The following VEGFA variants were observed in gnomAD, a reference collection of about 807,000 sequenced individuals.
The protein encoded by VEGFA is vascular endothelial growth factor A, long form.
VEGFA carries 20 observed loss-of-function variants against 49.7 expected under a neutral mutation model. The ratio of observed to expected loss-of-function variants is 0.40; its 90% CI spans 0.28 to 0.58. The LOEUF is 0.58. Ranked by LOEUF, VEGFA falls within the 20% of genes least tolerant of loss-of-function variation. The pLI is 0.40. For missense variants in VEGFA, 505 were observed against 553.5 expected (o/e 0.91, Z 0.88); for synonymous variants, 219 against 223.4 (o/e 0.98, Z 0.18).
At chr6:43,774,302 C>T (rs754570319) in intron 1 of VEGFA, 39 bp from the exon 2 acceptor site, 1 of 1,612,318 alleles carries the variant, frequency 6.2e-7, no homozygotes, top group African/African-American at 1.3e-5. Flanking sequence ...CACCCCAGCC[C>T]CTGCCCATGC....
intron 1 of VEGFA, chr6:43,772,057 C>T: frequency 1.0e-6 from 1 of 985,518 alleles, no homozygotes; most frequent in Non-Finnish European, 1.2e-6. Flanking sequence ...TGGCGAGCGG[C>T]ACCCCTCCCC....
rs754042549 is a variant in VEGFA at position 43,771,186 on chromosome 6, C to T, written c.480C>T (p.Pro160=). Residue 160 remains proline, a synonymous_variant, in exon 1 of 8, where the codon CCC becomes CCT. Coordinates refer to ENST00000672860, the MANE Select transcript of VEGFA (RefSeq NM_003376.6). ...GAGGCGCCGAGGAGAGCGGGCCGCC[C>T]CACAGCCCGAGCCGGAGAGGGAGCG... is the stretch of plus-strand genomic sequence containing the variant. 6.3e-7 allele frequency: 1 copy of T among 1,593,584 alleles called. No homozygotes were observed. Among genetic ancestry groups the T allele is most frequent in the African/African-American group, 1.4e-5 (1 of 72,760 alleles).
rs552274045 is a variant in VEGFA at position 43,777,340 on chromosome 6, C to T, written c.659-129C>T. 7.5e-5 allele frequency: 74 copies of T among 981,300 alleles called. No individual in the cohort carries two copies. In the East Asian group the frequency reaches 9.2e-4, roughly 12 times the overall value. 60.8% of individuals were successfully genotyped at this position (981,300 alleles called of 1,614,324 possible). A position where few individuals can be genotyped will look rare whatever the true frequency, so the allele number is the denominator to read the frequency against. Reference sequence around the variant, plus strand: ...CTTCAAACACAGTAGGAGGGACTTACGTTAGATTTTGGAAGGACTTGCCTG... The same window carrying T: ...CTTCAAACACAGTAGGAGGGACTTATGTTAGATTTTGGAAGGACTTGCCTG... On this transcript the variant is annotated intron_variant, in intron 2 of 7. Transcript: ENST00000672860. This position sits in a 1 kb window ranked among gnomAD's most constrained non-coding sequence, Gnocchi z 4.3.
At position 43,784,920 on chromosome 6, in the gene VEGFA, T is replaced by A. The variant is rs1289097615; in HGVS notation, c.*358T>A. The stretch of plus-strand genomic sequence containing the variant: ...GACACACCCACCCACATACATACAT[T>A]TATATATATATATATTATATATATA... On this transcript the variant is annotated 3_prime_UTR_variant, in exon 8 of 8. Coordinates refer to ENST00000672860, the MANE Select transcript of VEGFA (RefSeq NM_003376.6). 9 of 229,092 alleles carry A rather than the reference T, an allele frequency of 3.9e-5. No individual in the cohort carries two copies. The highest frequency in any genetic ancestry group is 2.8e-4 in the East Asian group (4 of 14,298). The allele number at this position is 229,092 out of a possible 1,614,324, so 14.2% of individuals were successfully genotyped here.
chr6:43,784,123 C>T, intron 7 of VEGFA: 1 of 292,148 alleles, frequency 3.4e-6, no homozygotes, highest in South Asian at 3.6e-5. Flanking sequence ...CCCCTAGAGA[C>T]TGAACTGAAA....
At position 43,770,421 on chromosome 6, in the gene VEGFA, TTAATTTATTTTTGC is replaced by T. The variant is rs1763227075; in HGVS notation, c.-284_-271del. On this transcript the variant is annotated 5_prime_UTR_variant, in exon 1 of 8. Coordinates refer to ENST00000672860, the MANE Select transcript of VEGFA (RefSeq NM_003376.6). ...TTTTAAAACTGTATTGTTTCTCGTT[TTAATTTATTTTTGC>T]TTGCCATTCCCCACTTGAATCGGGC... is the stretch of plus-strand genomic sequence containing the variant. 2.3e-6 allele frequency: 1 copy of T among 437,570 alleles called. No homozygotes were observed. Among genetic ancestry groups the T allele is most frequent in the East Asian group, 3.8e-5 (1 of 26,198 alleles). The allele number at this position is 437,570 out of a possible 1,614,324, so 27.1% of individuals were successfully genotyped here.
chr6:43,776,980 C>G lies in VEGFA; in HGVS notation c.659-489C>G, dbSNP rs182849014. 5 of 309,084 alleles carry G rather than the reference C, an allele frequency of 1.6e-5. No homozygotes were observed. In the East Asian group the frequency reaches 3.9e-4, roughly 24 times the overall value. 19.1% of individuals were successfully genotyped at this position (309,084 alleles called of 1,614,324 possible). A position where few individuals can be genotyped will look rare whatever the true frequency, so the allele number is the denominator to read the frequency against. ...AATGATAGCTGTGGACTACTGTACA[C>G]AGTACTCAGGATGTAGTAAGTGCTC... On this transcript the variant is annotated intron_variant, in intron 2 of 7. Coordinates refer to ENST00000672860, the MANE Select transcript of VEGFA (RefSeq NM_003376.6).
In VEGFA at chr6:43,773,939, C is replaced by G. The variant is rs1381289726; in HGVS notation, c.607-402C>G. On this transcript the variant is annotated intron_variant, in intron 1 of 7. Coordinates refer to ENST00000672860, the MANE Select transcript of VEGFA (RefSeq NM_003376.6). The surrounding 1 kb of genome is among the most constrained non-coding windows in gnomAD (Gnocchi z 5.6). The stretch of plus-strand genomic sequence containing the variant: ...TCGCCCCTAGTCCTTCCTTCCTGCC[C>G]CAGTCCAAATTTGTCCTCCTATTTG... The G allele has an allele frequency of 1.6e-5, 4 of 252,568 alleles. No individual in the cohort carries two copies. Among genetic ancestry groups the G allele is most frequent in the African/African-American group, 6.5e-5 (3 of 46,188 alleles). The allele number at this position is 252,568 out of a possible 1,614,324, so 15.6% of individuals were successfully genotyped here. A position where few individuals can be genotyped will look rare whatever the true frequency, so the allele number is the denominator to read the frequency against.
intron 7 of VEGFA, chr6:43,783,292 C>G (rs146674372): frequency 6.6e-6 from 1 of 152,268 alleles, no homozygotes. Context: ...CAGCTCACCC[C>G]GAGGCTGTGT....
chr6:43,777,843 C>A lies in VEGFA; in HGVS notation c.855+178C>A. 1.5e-6 allele frequency: 1 copy of A among 673,624 alleles called. No individual in the cohort carries two copies. The allele number at this position is 673,624 out of a possible 1,614,324, so 41.7% of individuals were successfully genotyped here. On this transcript the variant is annotated intron_variant, in intron 3 of 7. Transcript: ENST00000672860. This position sits in a 1 kb window ranked among gnomAD's most constrained non-coding sequence, Gnocchi z 4.3. Reference sequence around the variant, plus strand: ...TGTGGAGAAGATGCTTCATTCCCAGCCCAGGTTCCCAGCAAGCCCCAACCA... The same window carrying A: ...TGTGGAGAAGATGCTTCATTCCCAGACCAGGTTCCCAGCAAGCCCCAACCA...
At chr6:43,784,134 AC>A in intron 7 of VEGFA, 1 of 297,976 alleles carries the variant, frequency 3.4e-6, no homozygotes, top group East Asian at 8.2e-5. Flanking sequence ...TGAACTGAAA[AC>A]CCTCCTCAGC....
chr6:43,772,931 C>T (rs531188311), intron 1 of VEGFA, among the ~76,000 whole-genome samples: 25 of 152,314 alleles, frequency 1.6e-4, no homozygotes, highest in African/African-American at 6.0e-4. Flanking sequence ...TAGAACCGCC[C>T]CTCCTGTGCT....
Position 43,785,061 on chromosome 6 carries a change from T to C in VEGFA, c.*499T>C, listed in dbSNP as rs945680828. On this transcript the variant is annotated 3_prime_UTR_variant, in exon 8 of 8. Transcript: ENST00000672860. ...TGTATTTGACTGCTGTGGACTTGAG[T>C]TGGGAGGGGAATGTTCCCACTCAGA... is the stretch of plus-strand genomic sequence containing the variant. The C allele has an allele frequency of 3.7e-5, 7 of 188,126 alleles. No individual in the cohort carries two copies. Among genetic ancestry groups the C allele is most frequent in the African/African-American group, 1.6e-4 (7 of 42,564 alleles). The allele number at this position is 188,126 out of a possible 1,614,324, so 11.7% of individuals were successfully genotyped here.
chr6:43,771,101 C>A lies in VEGFA; in HGVS notation c.395C>A (p.Ala132Asp). ...GCGGTGTGCGCAGACAGTGCTCCAG[C>A]CGCGCGCGCTCCCCAGGCCCTGGCC... Residue 132 changes from alanine (A) to aspartate (D), a missense_variant, in exon 1 of 8, where the codon GCC becomes GAC. By Grantham distance (126) the Ala-to-Asp change is moderately radical. This residue lies in a region of VEGFA where 340 missense variants were observed against 321.8 expected (regional missense o/e 1.06). Coordinates refer to ENST00000672860, the MANE Select transcript of VEGFA (RefSeq NM_003376.6). 6.8e-7 allele frequency: 1 copy of A among 1,468,518 alleles called. No individual in the cohort carries two copies. Among genetic ancestry groups the A allele is most frequent in the Non-Finnish European group, 9.0e-7 (1 of 1,114,620 alleles). The allele number at this position is 1,468,518 out of a possible 1,614,324, so 91.0% of individuals were successfully genotyped here. A position where few individuals can be genotyped will look rare whatever the true frequency, so the allele number is the denominator to read the frequency against.
intron 1 of VEGFA, chr6:43,771,983 T>A (rs1426314405): frequency 1.0e-6 from 1 of 984,536 alleles, no homozygotes; most frequent in East Asian, 1.1e-4. Context: ...GCCGATTACA[T>A]CAGCCCGGGC....
At chr6:43,779,151 C>T in intron 5 of VEGFA, 1 of 611,646 alleles carries the variant, frequency 1.6e-6, no homozygotes, top group South Asian at 2.0e-5. Flanking sequence ...AGGGACAATG[C>T]CTTCTGGGTC....
rs772148505 is a variant in VEGFA at position 43,772,701 on chromosome 6, C to T, written c.606+1389C>T. On this transcript the variant is annotated intron_variant, in intron 1 of 7. Coordinates refer to ENST00000672860, the MANE Select transcript of VEGFA (RefSeq NM_003376.6). ...AAAGGGACTCTAAAGGGTCCCTTTC[C>T]GCTCCTCTCTGACGCCTTCCCTCAG... Among the ~76,000 whole-genome samples the T allele has an allele frequency of 6.6e-5, 10 of 152,260 alleles. No homozygotes were observed. The East Asian group carries it at 1.2e-3, about 18-fold the overall frequency.
At position 43,777,353 on chromosome 6, in the gene VEGFA, A is replaced by C; in HGVS notation, c.659-116A>C. 8.5e-7 allele frequency: 1 copy of C among 1,182,216 alleles called. No homozygotes were observed. Among genetic ancestry groups the C allele is most frequent in the Non-Finnish European group, 1.2e-6 (1 of 812,692 alleles). The allele number at this position is 1,182,216 out of a possible 1,614,324, so 73.2% of individuals were successfully genotyped here. A position where few individuals can be genotyped will look rare whatever the true frequency, so the allele number is the denominator to read the frequency against. ...AGGAGGGACTTACGTTAGATTTTGG[A>C]AGGACTTGCCTGATTCGGAAGCTCC... On this transcript the variant is annotated intron_variant, in intron 2 of 7. Transcript: ENST00000672860. This position sits in a 1 kb window ranked among gnomAD's most constrained non-coding sequence, Gnocchi z 4.3.
chr6:43,774,479 G>A (rs1380017419), intron 2 of VEGFA, 87 bp downstream of exon 2: 13 of 1,467,938 alleles, frequency 8.9e-6, no homozygotes, highest in Middle Eastern at 1.7e-4. Flanking sequence ...AGAACTGTGG[G>A]GAGGAAGGGG....
Sources: gnomAD v4.1 joint callset for allele counts (sites outside exome capture counted in the v4.1 genomes callset) on GRCh38, gnomAD v4.1.1 for gene constraint, gnomAD v4.1.1 regional missense constraint, Gnocchi (gnomAD v3.1) non-coding constraint, MANE v1.5 for transcripts, NCBI Gene and HGNC (gene_info 2026-07-23, HGNC 2026-07-21) for gene names.